The following TENM3 variants were observed in gnomAD, a reference collection of about 807,000 sequenced individuals.
TENM3 encodes the protein teneurin transmembrane protein 3.
Under a neutral mutation model 255.1 loss-of-function variants are expected in TENM3, and 63 were observed. The ratio of observed to expected loss-of-function variants is 0.25; its 90% CI spans 0.20 to 0.30. The LOEUF is 0.30. Ranked by LOEUF, TENM3 falls within the 10% of genes least tolerant of loss-of-function variation. The pLI, the probability that TENM3 is intolerant of heterozygous loss-of-function variation, is 1.00. For synonymous variants in TENM3, 1,306 were observed against 1,322.3 expected, an observed-to-expected ratio of 0.99 and a Z score of 0.27; for missense variants, 2,929 against 3,461.1, an observed-to-expected ratio of 0.85 and a Z score of 3.86.
chr4:181,991,017 A>C, the TENM3 span, among the ~76,000 whole-genome samples: 1 of 152,166 alleles, frequency 6.6e-6, no homozygotes, highest in Non-Finnish European at 1.5e-5. Context: ...AATTTTAACA[A>C]TTATTTGTTA....
intron 2 of TENM3, among the ~76,000 whole-genome samples, chr4:182,345,460 T>C (rs1192759930): frequency 6.6e-6 from 1 of 152,200 alleles, no homozygotes; most frequent in African/African-American, 2.4e-5. Flanking sequence ...GTAATATAAA[T>C]GCTTAATATA....
At chr4:182,449,786 A>G (rs990835316) in intron 3 of TENM3, among the ~76,000 whole-genome samples, 1 of 152,216 alleles carries the variant, frequency 6.6e-6, no homozygotes, top group African/African-American at 2.4e-5. Flanking sequence ...TCTCAGAGAA[A>G]TTCAACTTTG....
the TENM3 span, among the ~76,000 whole-genome samples, chr4:182,055,277 G>T: frequency 6.6e-6 from 1 of 151,980 alleles, no homozygotes; most frequent in Non-Finnish European, 1.5e-5. Context: ...AGCCTGAGGA[G>T]GTCAAGGCTG....
chr4:182,756,280 A>G (rs751818065), intron 22 of TENM3, among the ~76,000 whole-genome samples: 4 of 152,242 alleles, frequency 2.6e-5, no homozygotes, highest in Non-Finnish European at 4.4e-5. Flanking sequence ...GCCTGAAAGC[A>G]TGTGAAGAGG....
At chr4:181,488,377 T>C in the TENM3 span, among the ~76,000 whole-genome samples, 2 of 152,178 alleles carry the variant, frequency 1.3e-5, no homozygotes, top group African/African-American at 4.8e-5. Context: ...CAAGCCTTTC[T>C]TATCTCTGAC....
chr4:181,522,284 C>G, the TENM3 span, among the ~76,000 whole-genome samples: 1 of 152,016 alleles, frequency 6.6e-6, no homozygotes, highest in African/African-American at 2.4e-5. Flanking sequence ...CTCTTTAAAG[C>G]TGAAGACATT....
chr4:181,675,767 AT>A, the TENM3 span, among the ~76,000 whole-genome samples: 9 of 152,040 alleles, frequency 5.9e-5, no homozygotes, highest in Non-Finnish European at 1.2e-4. Flanking sequence ...TCTGAAAATA[AT>A]TTTTTTGCAT....
intron 1 of TENM3, among the ~76,000 whole-genome samples, chr4:182,160,331 A>G (rs566432325): frequency 6.6e-6 from 1 of 152,324 alleles, no homozygotes; most frequent in East Asian, 1.9e-4. Flanking sequence ...AAAAATGAAA[A>G]TAAATGGTTA....
At chr4:182,192,889 C>T (rs1753608326) in intron 1 of TENM3, among the ~76,000 whole-genome samples, 1 of 152,168 alleles carries the variant, frequency 6.6e-6, no homozygotes, top group African/African-American at 2.4e-5. Context: ...AGCCACAAAG[C>T]TTTCCTAAAC....
At chr4:181,755,444 C>T in the TENM3 span, among the ~76,000 whole-genome samples, 2 of 151,590 alleles carry the variant, frequency 1.3e-5, no homozygotes, top group East Asian at 3.9e-4. Flanking sequence ...TCTATTATAC[C>T]TTGGATAAAC....
the TENM3 span, among the ~76,000 whole-genome samples, chr4:181,636,896 C>T: frequency 6.6e-6 from 1 of 152,182 alleles, no homozygotes; most frequent in Non-Finnish European, 1.5e-5. Flanking sequence ...GCCCTGCATC[C>T]TTTACACTTC....
At chr4:181,801,651 A>T in the TENM3 span, among the ~76,000 whole-genome samples, 79 of 80,892 alleles carry the variant, frequency 9.8e-4, 1 homozygote, top group African/African-American at 2.9e-3. Flanking sequence ...AGAATTGTAA[A>T]ATATATATAT....
At chr4:182,751,683 T>C in intron 19 of TENM3, 117 bp from the exon 20 acceptor site, 1 of 726,550 alleles carries the variant, frequency 1.4e-6, no homozygotes, top group South Asian at 1.7e-5. Flanking sequence ...GTCTAATCTT[T>C]GATCATGGAT....
At chr4:182,631,817 G>A (rs773598457) in intron 5 of TENM3, 32 of 152,100 alleles carry the variant, frequency 2.1e-4, no homozygotes, top group African/African-American at 5.1e-4. Context: ...TTATTTCTTC[G>A]AATATTTTTT....
At chr4:181,842,558 G>T in the TENM3 span, among the ~76,000 whole-genome samples, 5 of 152,074 alleles carry the variant, frequency 3.3e-5, no homozygotes, top group African/African-American at 1.2e-4. Flanking sequence ...TGTTGCTTTT[G>T]CTATGTGAAG....
chr4:182,443,928 G>A (rs558761419), intron 3 of TENM3, among the ~76,000 whole-genome samples: 1 of 152,158 alleles, frequency 6.6e-6, no homozygotes, highest in Non-Finnish European at 1.5e-5. Context: ...TTTTTGGGGG[G>A]TGAAATAATT....
chr4:181,740,784 A>G, the TENM3 span, among the ~76,000 whole-genome samples: 1 of 152,174 alleles, frequency 6.6e-6, no homozygotes, highest in Non-Finnish European at 1.5e-5. Flanking sequence ...CAAAAATGAA[A>G]GAGAATTCAG....
At chr4:182,636,936 C>T (rs955336321) in intron 5 of TENM3, among the ~76,000 whole-genome samples, 10 of 152,046 alleles carry the variant, frequency 6.6e-5, no homozygotes, top group East Asian at 1.9e-4. Context: ...TTTTGCAAAA[C>T]GTAGCAACAT....
the TENM3 span, among the ~76,000 whole-genome samples, chr4:181,682,939 C>T: frequency 1.3e-5 from 2 of 151,834 alleles, no homozygotes; most frequent in South Asian, 4.2e-4. Flanking sequence ...TAAGGCTAGG[C>T]ATGGTAGCTC....
Sources: gnomAD v4.1 joint callset for allele counts (sites outside exome capture counted in the v4.1 genomes callset) on GRCh38, gnomAD v4.1.1 for gene constraint, MANE v1.5 for transcripts, NCBI Gene and HGNC (gene_info 2026-07-23, HGNC 2026-07-21) for gene names.